NUBPL: variants seen among roughly 807,000 people sequenced by gnomAD.
NUBPL encodes the protein NUBP iron-sulfur cluster assembly factor, mitochondrial.
NUBPL carries 31 observed loss-of-function variants against 45.7 expected under a neutral mutation model. The observed-to-expected ratio is 0.68, with a 90% CI of 0.51 to 0.92. The LOEUF (loss-of-function observed/expected upper bound fraction) is 0.92. NUBPL is among the 40% of genes least tolerant of loss of function. The probability of loss-of-function intolerance (pLI) is 0.00; values close to 1 mark genes in which losing one functional copy is unlikely to be tolerated. For synonymous variants in NUBPL, 144 were observed against 140.9 expected (o/e 1.02, Z -0.15); for missense variants, 401 against 398.7 (o/e 1.01, Z -0.05).
intron 4 of NUBPL, among the ~76,000 whole-genome samples, chr14:31,642,315 G>A (rs936075345): frequency 3.7e-4 from 57 of 152,100 alleles, no homozygotes; most frequent in Non-Finnish European, 1.0e-4. Flanking sequence ...CATAGTTTTA[G>A]GTCTTGCACT....
chr14:31,646,569 T>C (rs1014527606), intron 4 of NUBPL, among the ~76,000 whole-genome samples: 7 of 152,172 alleles, frequency 4.6e-5, no homozygotes, highest in South Asian at 2.1e-4. Flanking sequence ...TGTTGAGAAG[T>C]GTGTTGCCAA....
chr14:31,726,078 G>A (rs1343780593), intron 6 of NUBPL, among the ~76,000 whole-genome samples: 1 of 152,120 alleles, frequency 6.6e-6, no homozygotes, highest in Non-Finnish European at 1.5e-5. Flanking sequence ...GTACATAGGA[G>A]TTGGTAAATG....
chr14:31,798,303 G>GTTTTTTTTTTTTTT (rs71115031), intron 7 of NUBPL, among the ~76,000 whole-genome samples: 1 of 107,282 alleles, frequency 9.3e-6, no homozygotes, highest in Admixed American at 1.0e-4. Flanking sequence ...TTTATTTATG[G>GTTTTTTTTTTTTTT]TTTTTTTTTT....
rs932604071 is a variant in NUBPL, at chr14:31,640,402, C to G, written c.383-32953C>G. 2.0e-5 allele frequency among the ~76,000 whole-genome samples: 3 copies of G among 152,218 alleles called. No homozygotes were observed. The South Asian group carries it at 6.2e-4, about 32-fold the overall frequency. On this transcript the variant is annotated intron_variant, in intron 4 of 10. Coordinates refer to ENST00000281081, the MANE Select transcript of NUBPL (RefSeq NM_025152.3). ...ATCACTTGAGGGCAGGAGTTTGAAACCAGCCTGGCCAACATGGCAAAACCC... is the reference window on the plus strand; with the variant it reads ...ATCACTTGAGGGCAGGAGTTTGAAAGCAGCCTGGCCAACATGGCAAAACCC...
At chr14:31,758,701 G>A (rs979809402) in intron 6 of NUBPL, among the ~76,000 whole-genome samples, 1 of 152,040 alleles carries the variant, frequency 6.6e-6, no homozygotes. Flanking sequence ...TAGAAGAGAT[G>A]AGACCATAAA....
intron 6 of NUBPL, among the ~76,000 whole-genome samples, chr14:31,756,630 A>G (rs1445224085): frequency 6.7e-6 from 1 of 148,200 alleles, no homozygotes; most frequent in African/African-American, 2.5e-5. Context: ...TAGATATACA[A>G]TCATGTCGTC....
At chr14:31,750,975 G>T (rs2038513420) in intron 6 of NUBPL, among the ~76,000 whole-genome samples, 1 of 152,142 alleles carries the variant, frequency 6.6e-6, no homozygotes. Flanking sequence ...TTCACATGGT[G>T]GCAGGAGAGA....
chr14:31,741,106 G>C (rs542194510), intron 6 of NUBPL, among the ~76,000 whole-genome samples: 2 of 152,286 alleles, frequency 1.3e-5, no homozygotes, highest in Non-Finnish European at 2.9e-5. Context: ...CCATGTCAGT[G>C]TCTGGTTCTG....
At chr14:31,667,942 G>A (rs2036475239) in intron 4 of NUBPL, 2 of 155,548 alleles carry the variant, frequency 1.3e-5, no homozygotes, top group South Asian at 2.0e-4. Context: ...TCCTAGAGGG[G>A]CACCCACCAG....
intron 4 of NUBPL, among the ~76,000 whole-genome samples, chr14:31,655,886 G>C (rs1037934241): frequency 6.6e-6 from 1 of 152,206 alleles, no homozygotes; most frequent in African/African-American, 2.4e-5. Flanking sequence ...CCTATTAAGA[G>C]AGTAAACCTA....
chr14:31,855,275 T>C (rs1225049600), intron 10 of NUBPL, among the ~76,000 whole-genome samples: 2 of 152,234 alleles, frequency 1.3e-5, no homozygotes, highest in African/African-American at 4.8e-5. Flanking sequence ...AAACCTTTCT[T>C]TATAAGTAGA....
chr14:31,740,664 A>G (rs529971502), intron 6 of NUBPL, among the ~76,000 whole-genome samples: 2 of 152,176 alleles, frequency 1.3e-5, no homozygotes, highest in African/African-American at 2.4e-5. Flanking sequence ...AATGAGGTCT[A>G]GCTTATCAAT....
intron 7 of NUBPL, among the ~76,000 whole-genome samples, chr14:31,791,036 A>C (rs1046032382): frequency 2.0e-5 from 3 of 152,152 alleles, no homozygotes; most frequent in Non-Finnish European, 2.9e-5. Context: ...TAGGAGGCCG[A>C]GGCAGGAGGA....
chr14:31,643,287 TGGGTTATAC>T (rs2035756453), intron 4 of NUBPL, among the ~76,000 whole-genome samples: 1 of 152,174 alleles, frequency 6.6e-6, no homozygotes, highest in African/African-American at 2.4e-5. Context: ...ATGTTAGCTG[TGGGTTATAC>T]GGCCTTTATT....
intron 7 of NUBPL, among the ~76,000 whole-genome samples, chr14:31,816,541 C>G (rs182187939): frequency 8.2e-4 from 125 of 152,134 alleles, no homozygotes; most frequent in Middle Eastern, 3.4e-3. Flanking sequence ...CAGTTCTGCT[C>G]TGATCTTAGT....
chr14:31,762,628 T>G (rs994639787), intron 6 of NUBPL, among the ~76,000 whole-genome samples: 4 of 152,194 alleles, frequency 2.6e-5, no homozygotes, highest in African/African-American at 9.6e-5. Flanking sequence ...GAAAGCTTCA[T>G]ATACAGAACT....
chr14:31,655,181 A>G (rs946476935), intron 4 of NUBPL, among the ~76,000 whole-genome samples: 2 of 152,208 alleles, frequency 1.3e-5, no homozygotes, highest in Admixed American at 6.5e-5. Flanking sequence ...AGAATAATGA[A>G]TCCTTTCCAG....
intron 4 of NUBPL, among the ~76,000 whole-genome samples, chr14:31,666,679 G>C (rs950887174): frequency 6.6e-6 from 1 of 152,170 alleles, no homozygotes; most frequent in African/African-American, 2.4e-5. Flanking sequence ...TGTTTTTGCA[G>C]TGGCTGGTAC....
intron 6 of NUBPL, among the ~76,000 whole-genome samples, chr14:31,712,012 G>T (rs2037583567): frequency 6.6e-6 from 1 of 152,208 alleles, no homozygotes; most frequent in South Asian, 2.1e-4. Context: ...CCCAAAGAAT[G>T]AGCATCAGCA....
Sources: gnomAD v4.1 joint callset for allele counts (sites outside exome capture counted in the v4.1 genomes callset) on GRCh38, gnomAD v4.1.1 for gene constraint, MANE v1.5 for transcripts, NCBI Gene and HGNC (gene_info 2026-07-23, HGNC 2026-07-21) for gene names.